Variants in SYTL4 observed in about 807,000 individuals in gnomAD.
SYTL4 encodes synaptotagmin like 4.
In SYTL4, 16 loss-of-function variants were observed where a neutral mutation model predicts 52.7. The ratio of observed to expected loss-of-function variants is 0.30; its 90% CI spans 0.21 to 0.46. The LOEUF (loss-of-function observed/expected upper bound fraction) is 0.46, where lower values mean the gene tolerates loss of function less well. Among genes scored for constraint, SYTL4 ranks in the 20% least tolerant of loss-of-function variants. SYTL4 has a pLI of 1.00. For synonymous variants in SYTL4, 160 were observed against 186.6 expected (o/e 0.86, Z 1.16); for missense variants, 423 against 519.9 (o/e 0.81, Z 1.81).
intron 3 of SYTL4, among the ~76,000 whole-genome samples, chrX:100,703,498 C>T (rs944173776): frequency 2.7e-5 from 3 of 111,949 alleles, no homozygotes; most frequent in Admixed American, 1.9e-4. Flanking sequence ...ATAGCTATAT[C>T]GCTCTAGTTA....
chrX:100,708,892 G>C (rs2084010506), intron 2 of SYTL4, among the ~76,000 whole-genome samples: 1 of 112,276 alleles, frequency 8.9e-6, no homozygotes. Flanking sequence ...AGATTTTGCT[G>C]TGTTGCATGC....
At chrX:100,693,841 A>T (rs1425831019) in intron 8 of SYTL4, among the ~76,000 whole-genome samples, 1 of 112,943 alleles carries the variant, frequency 8.9e-6, no homozygotes, top group Admixed American at 9.3e-5. Flanking sequence ...CATATAATGG[A>T]TTATTCATCA....
In SYTL4 at chrX:100,700,949, C is replaced by T; in HGVS notation, c.487G>A (p.Gly163Ser). Residue 163 changes from glycine (G) to serine (S), a missense_variant, in exon 8 of 20, where the codon GGT (glycine) becomes AGT (serine). Physicochemically the swap from Gly to Ser is moderately conservative, Grantham distance 56 (BLOSUM62 0). Transcript: ENST00000372989. Reference protein sequence around the residue: ...GQSLLHQTQMGDIWPGRKIIQ... With the variant: ...GQSLLHQTQMSDIWPGRKIIQ... ...ATCTTTCTTCCTGGCCAGATGTCACCCATCTGTGTCTGATGAAGGAGGGAC... is the reference window on the plus strand; with the variant it reads ...ATCTTTCTTCCTGGCCAGATGTCACTCATCTGTGTCTGATGAAGGAGGGAC... 1 of 1,210,810 alleles carries T rather than the reference C, an allele frequency of 8.3e-7. No individual in the cohort carries two copies. Among genetic ancestry groups the T allele is most frequent in the Non-Finnish European group, 1.1e-6 (1 of 894,884 alleles).
intron 2 of SYTL4, among the ~76,000 whole-genome samples, chrX:100,723,450 A>G (rs1490999669): frequency 9.0e-6 from 1 of 111,703 alleles, no homozygotes; most frequent in East Asian, 2.8e-4. Flanking sequence ...GGAGTGCAGT[A>G]GCGTGATCTC....
At chrX:100,681,012 A>C (rs756953984) in intron 17 of SYTL4, among the ~76,000 whole-genome samples, 1 of 111,017 alleles carries the variant, frequency 9.0e-6, no homozygotes, top group African/African-American at 3.3e-5. Context: ...AAGTCCATTT[A>C]ATAGCCTAAA....
chrX:100,701,411 C>T (rs774116066), intron 6 of SYTL4, 47 bp downstream of exon 6: 38 of 1,175,608 alleles, frequency 3.2e-5, no homozygotes, highest in Middle Eastern at 4.7e-4. Context: ...ATTCTCACCA[C>T]GGCCAAGGCC....
intron 8 of SYTL4, among the ~76,000 whole-genome samples, chrX:100,699,045 C>T (rs999972908): frequency 1.9e-4 from 21 of 111,467 alleles, no homozygotes; most frequent in Admixed American, 1.2e-3. Context: ...TTTAAAATGA[C>T]GGCTAACTCC....
At chrX:100,711,510 C>CT (rs2084069088) in intron 2 of SYTL4, among the ~76,000 whole-genome samples, 1 of 111,529 alleles carries the variant, frequency 9.0e-6, no homozygotes, top group African/African-American at 3.3e-5. Context: ...GGTACAATGT[C>CT]TGAGATGAAA....
At chrX:100,701,413 G>A (rs748829697) in intron 6 of SYTL4, 45 bp downstream of exon 6, 1 of 1,180,601 alleles carries the variant, frequency 8.5e-7, no homozygotes, top group Admixed American at 2.2e-5. Context: ...TCTCACCACG[G>A]CCAAGGCCTC....
chrX:100,685,502 G>A (rs760580461), intron 16 of SYTL4: 16 of 112,010 alleles, frequency 1.4e-4, no homozygotes, highest in African/African-American at 5.2e-4. Flanking sequence ...TCCCAGGCAT[G>A]ATTATGCCAT....
At chrX:100,678,800 C>G (rs1180709849) in intron 18 of SYTL4, 2 of 418,196 alleles carry the variant, frequency 4.8e-6, no homozygotes, top group African/African-American at 2.5e-5. Flanking sequence ...TTCCTTTAAC[C>G]TAGAGAGAAA....
intron 2 of SYTL4, among the ~76,000 whole-genome samples, chrX:100,723,635 T>A (rs1360550932): frequency 4.9e-4 from 53 of 108,763 alleles, no homozygotes; most frequent in Non-Finnish European, 4.6e-4. Context: ...ATCTAGGCAG[T>A]GAGGAGCGTC....
At chrX:100,693,225 C>T (rs1051467083) in intron 8 of SYTL4, among the ~76,000 whole-genome samples, 3 of 112,178 alleles carry the variant, frequency 2.7e-5, no homozygotes, top group Admixed American at 9.4e-5. Context: ...CCATCATGCC[C>T]GGCCTCAAAT....
intron 13 of SYTL4, 46 bp from the exon 14 acceptor site, chrX:100,687,291 C>A (rs368088700): frequency 9.2e-7 from 1 of 1,091,530 alleles, no homozygotes; most frequent in Non-Finnish European, 1.3e-6. Context: ...CACACTCCCC[C>A]GCCCGCATTG....
chrX:100,701,423 C>T (rs1423064835), intron 6 of SYTL4, 35 bp downstream of exon 6: 18 of 1,188,347 alleles, frequency 1.5e-5, no homozygotes, highest in Non-Finnish European at 2.1e-5. Flanking sequence ...GCCAAGGCCT[C>T]GCCCCCTCTC....
At chrX:100,689,029 AAAG>A (rs759747874) in intron 12 of SYTL4, among the ~76,000 whole-genome samples, 45 of 110,732 alleles carry the variant, frequency 4.1e-4, no homozygotes, top group African/African-American at 1.4e-3. Flanking sequence ...ATTTTAATCA[AAAG>A]AAGTATTTAT....
chrX:100,678,004 G>A (rs947490590), intron 19 of SYTL4, among the ~76,000 whole-genome samples: 2 of 111,942 alleles, frequency 1.8e-5, no homozygotes, highest in East Asian at 5.6e-4. Context: ...TGAGGTCATC[G>A]AGAAGGGTAG....
chrX:100,695,179 T>G (rs780885614), intron 8 of SYTL4, among the ~76,000 whole-genome samples: 6 of 111,074 alleles, frequency 5.4e-5, no homozygotes, highest in Non-Finnish European at 1.1e-4. Context: ...AAGCAATTAT[T>G]TGACATCTGT....
chrX:100,719,607 C>T (rs1400777749), intron 2 of SYTL4, among the ~76,000 whole-genome samples: 2 of 107,116 alleles, frequency 1.9e-5, no homozygotes, highest in African/African-American at 6.8e-5. Flanking sequence ...CAACATTATA[C>T]ACAAGACAAT....
Sources: gnomAD v4.1 joint callset for allele counts (sites outside exome capture counted in the v4.1 genomes callset) on GRCh38, gnomAD v4.1.1 for gene constraint, MANE v1.5 for transcripts, NCBI Gene and HGNC (gene_info 2026-07-23, HGNC 2026-07-21) for gene names.